GRID1: variants seen among roughly 807,000 people sequenced by gnomAD.
The protein encoded by GRID1 is glutamate receptor ionotropic, delta-1.
GRID1 carries 28 observed loss-of-function variants against 98.0 expected under a neutral mutation model. The observed-to-expected ratio is 0.29, with a 90% CI of 0.21 to 0.39. The LOEUF (loss-of-function observed/expected upper bound fraction) is 0.39. GRID1 is among the 10% of genes least tolerant of loss of function. The pLI is 1.00. For missense variants in GRID1, 1,111 were observed against 1,340.5 expected (o/e 0.83, Z 2.67); for synonymous variants, 553 against 538.5 (o/e 1.03, Z -0.37).
chr10:86,116,936 C>T (rs1490433607), intron 4 of GRID1, among the ~76,000 whole-genome samples: 4 of 152,122 alleles, frequency 2.6e-5, no homozygotes, highest in African/African-American at 7.2e-5. Flanking sequence ...CTCCTGCTAG[C>T]CTGTATACCA....
chr10:86,277,952 G>A (rs917845641), intron 2 of GRID1, among the ~76,000 whole-genome samples: 8 of 151,848 alleles, frequency 5.3e-5, no homozygotes, highest in Non-Finnish European at 1.2e-4. Flanking sequence ...ATGTAAATGG[G>A]TTAAACTATA....
At chr10:85,740,428 C>T (rs1021712750) in intron 8 of GRID1, among the ~76,000 whole-genome samples, 2 of 152,126 alleles carry the variant, frequency 1.3e-5, no homozygotes, top group Non-Finnish European at 2.9e-5. Context: ...TACACTATAC[C>T]TCAGTCTGAA....
intron 2 of GRID1, among the ~76,000 whole-genome samples, chr10:86,306,558 G>T (rs1326545951): frequency 1.3e-5 from 2 of 152,300 alleles, no homozygotes; most frequent in African/African-American, 4.8e-5. Flanking sequence ...CAAGATGAAG[G>T]CCTCCTATAC....
At chr10:86,135,107 T>A (rs1659840298) in intron 4 of GRID1, among the ~76,000 whole-genome samples, 1 of 152,122 alleles carries the variant, frequency 6.6e-6, no homozygotes, top group South Asian at 2.1e-4. Flanking sequence ...GCTGCTGCCT[T>A]GGTCACTTCA....
intron 3 of GRID1, among the ~76,000 whole-genome samples, chr10:86,144,257 T>A (rs1845052982): frequency 6.6e-6 from 1 of 152,118 alleles, no homozygotes; most frequent in Non-Finnish European, 1.5e-5. Context: ...GGAAAGACCC[T>A]GCCTCGGTGA....
intron 2 of GRID1, among the ~76,000 whole-genome samples, chr10:86,284,213 T>C (rs1847397307): frequency 6.6e-6 from 1 of 151,622 alleles, no homozygotes; most frequent in South Asian, 2.1e-4. Flanking sequence ...CACACCTGCA[T>C]ATATACACCT....
chr10:86,139,030 C>T lies in GRID1; in HGVS notation c.521-6G>A. On this transcript the variant is annotated splice_region_variant and splice_polypyrimidine_tract_variant and intron_variant, in intron 3 of 15. Coordinates refer to ENST00000327946, the MANE Select transcript of GRID1 (RefSeq NM_017551.3). ...GCTTTGAAGCCCACGGATATCTGAG[C>T]AGTGAGAGAAGAGGAGGAAAAGAAA... 6.2e-7 allele frequency: 1 copy of T among 1,605,286 alleles called. No individual in the cohort carries two copies. Among genetic ancestry groups the T allele is most frequent in the Non-Finnish European group, 8.5e-7 (1 of 1,172,054 alleles).
At chr10:86,253,951 G>A (rs1846875323) in intron 2 of GRID1, among the ~76,000 whole-genome samples, 1 of 152,042 alleles carries the variant, frequency 6.6e-6, no homozygotes, top group South Asian at 2.1e-4. Flanking sequence ...GGCAGCACCT[G>A]CCCTCACCAC....
chr10:86,307,289 C>G (rs1229458936), intron 2 of GRID1, among the ~76,000 whole-genome samples: 1 of 152,062 alleles, frequency 6.6e-6, no homozygotes, highest in Non-Finnish European at 1.5e-5. Flanking sequence ...GGTATGCAAA[C>G]AGCCTAAGTG....
At chr10:85,625,014 T>C (rs1564681013) in intron 13 of GRID1, among the ~76,000 whole-genome samples, 1 of 152,188 alleles carries the variant, frequency 6.6e-6, no homozygotes, top group Non-Finnish European at 1.5e-5. Context: ...TATATAGACA[T>C]ATATATGAAT....
chr10:85,696,892 A>T (rs1352523644), intron 12 of GRID1, among the ~76,000 whole-genome samples: 3 of 151,998 alleles, frequency 2.0e-5, no homozygotes, highest in African/African-American at 7.2e-5. Context: ...TACTTCAGTA[A>T]TATTTTAGCT....
In GRID1 at chr10:85,602,486, G is replaced by A; in HGVS notation, c.2817C>T (p.Thr939=). The change falls in exon 16 of 16, where the codon ACC becomes ACT. Residue 939 remains threonine (T), a synonymous_variant. Transcript: ENST00000327946. ...TFLPEQSSHG[T]SRTLSSGPSS... is the part of the protein sequence containing the mutation. ...TGGGCCCTGATGAGAGTGTCCGGCT[G>A]GTGCCATGGCTGCTCTGCTCTGGCA... is the stretch of plus-strand genomic sequence containing the variant. 1.2e-6 allele frequency: 2 copies of A among 1,614,196 alleles called. No individual in the cohort carries two copies. The highest frequency in any genetic ancestry group is 1.7e-6 in the Non-Finnish European group (2 of 1,180,032).
At chr10:86,063,686 A>G (rs1436370185) in intron 4 of GRID1, among the ~76,000 whole-genome samples, 1 of 152,244 alleles carries the variant, frequency 6.6e-6, no homozygotes, top group East Asian at 1.9e-4. Context: ...GAAGACTTCC[A>G]TGATATACTG....
chr10:85,985,832 G>T (rs1842602503), intron 4 of GRID1, among the ~76,000 whole-genome samples: 2 of 152,184 alleles, frequency 1.3e-5, no homozygotes, highest in African/African-American at 4.8e-5. Flanking sequence ...AGAGGCAAAA[G>T]AACAACTCAG....
At chr10:86,358,350 G>C (rs1382779841) in intron 2 of GRID1, among the ~76,000 whole-genome samples, 2 of 152,182 alleles carry the variant, frequency 1.3e-5, no homozygotes. Context: ...GTGCCAACAT[G>C]GTAGGAGAAT....
intron 4 of GRID1, among the ~76,000 whole-genome samples, chr10:86,097,348 G>A (rs111943303): frequency 2.0e-3 from 300 of 152,322 alleles, no homozygotes; most frequent in African/African-American, 6.8e-3. Flanking sequence ...TCAAAGCAAT[G>A]CAAATTAAAA....
chr10:86,094,332 G>C (rs1333656515), intron 4 of GRID1, among the ~76,000 whole-genome samples: 1 of 152,178 alleles, frequency 6.6e-6, no homozygotes, highest in African/African-American at 2.4e-5. Flanking sequence ...ACGTAGTACT[G>C]GAAGTCCTAG....
intron 8 of GRID1, among the ~76,000 whole-genome samples, chr10:85,793,652 A>G (rs1106789): frequency 0.27 from 40,811 of 152,088 alleles, 6,492 homozygotes; most frequent in African/African-American, 0.43. Context: ...TGATAGTAAC[A>G]TTTACAAGGT....
At chr10:86,029,542 A>G (rs189875036) in intron 4 of GRID1, among the ~76,000 whole-genome samples, 1 of 152,360 alleles carries the variant, frequency 6.6e-6, no homozygotes, top group Admixed American at 6.5e-5. Context: ...TATGAACAAC[A>G]TGTCCCATCA....
Sources: gnomAD v4.1 joint callset for allele counts (sites outside exome capture counted in the v4.1 genomes callset) on GRCh38, gnomAD v4.1.1 for gene constraint, MANE v1.5 for transcripts, NCBI Gene and HGNC (gene_info 2026-07-23, HGNC 2026-07-21) for gene names.